The following CCDC88A variants were observed in gnomAD, a reference collection of about 807,000 sequenced individuals.
The protein encoded by CCDC88A is girdin.
A neutral mutation model predicts 234.3 loss-of-function variants in CCDC88A; 54 were observed. The observed-to-expected ratio is 0.23, with a 90% CI of 0.19 to 0.29. The LOEUF (loss-of-function observed/expected upper bound fraction) is 0.29, where lower values mean the gene tolerates loss of function less well. Among genes scored for constraint, CCDC88A ranks in the 10% least tolerant of loss-of-function variants. The probability of loss-of-function intolerance (pLI) is 1.00; values close to 1 mark genes in which losing one functional copy is unlikely to be tolerated. For missense variants in CCDC88A, 1,832 were observed against 2,123.4 expected, an observed-to-expected ratio of 0.86 and a Z score of 2.70; for synonymous variants, 753 against 737.8, an observed-to-expected ratio of 1.02 and a Z score of -0.33.
chr2:55,418,434 A>G, intron 2 of CCDC88A: 1 of 191,792 alleles, frequency 5.2e-6, no homozygotes, highest in East Asian at 1.3e-4. Context: ...TTAATAAGAA[A>G]CATTTCTGCA....
rs1444408603 is a variant in CCDC88A, at chr2:55,409,382, C to G, written c.164+9434G>C. Reference sequence around the variant, plus strand: ...CTCAAACATCATCTCCTCCAAGAAGCCTTTCCTCCATGTAAATCATCACTT... The same window carrying G: ...CTCAAACATCATCTCCTCCAAGAAGGCTTTCCTCCATGTAAATCATCACTT... On this transcript the variant is annotated intron_variant, in intron 2 of 32. Transcript: ENST00000436346. Among the ~76,000 whole-genome samples the G allele has an allele frequency of 4.6e-5, 7 of 152,202 alleles. No individual in the cohort carries two copies. In the East Asian group the frequency reaches 7.7e-4, roughly 17 times the overall value.
intron 16 of CCDC88A, chr2:55,329,323 A>G (rs1684648357): frequency 6.6e-6 from 1 of 152,228 alleles, no homozygotes; most frequent in Non-Finnish European, 1.5e-5. Context: ...GAAGACCCTG[A>G]AGACAACACT....
intron 29 of CCDC88A, 57 bp downstream of exon 29, chr2:55,299,782 C>A: frequency 1.7e-6 from 2 of 1,157,898 alleles, no homozygotes; most frequent in Admixed American, 3.8e-5. Flanking sequence ...ATCCCATCTC[C>A]CACCTTTAAA....
At chr2:55,385,083 T>C (rs192332374) in intron 3 of CCDC88A, among the ~76,000 whole-genome samples, 2 of 151,080 alleles carry the variant, frequency 1.3e-5, no homozygotes, top group Non-Finnish European at 3.0e-5. Flanking sequence ...AAAAAATGAG[T>C]TCACAATTAA....
At chr2:55,405,764 T>G (rs964472556) in intron 2 of CCDC88A, 1 of 152,212 alleles carries the variant, frequency 6.6e-6, no homozygotes, top group South Asian at 2.1e-4. Flanking sequence ...GAGAATCTAA[T>G]GGCCCCCGCC....
Position 55,322,000 on chromosome 2 carries a change from GGTAA to G in CCDC88A, c.3162+524_3162+527del, listed in dbSNP as rs546722545. 8.2e-4 allele frequency among the ~76,000 whole-genome samples: 123 copies of G among 149,270 alleles called. 1 individual carries two copies. The highest frequency in any genetic ancestry group is 2.6e-3 in the African/African-American group (101 of 39,340). On this transcript the variant is annotated intron_variant, in intron 18 of 32. Transcript: ENST00000436346. ...CCTTAAGTTTATTCATCTTTTGAAG[GGTAA>G]GTATTTGTTGTTCAGTTTGTTTGCT...
rs1369909555 is a variant in CCDC88A, at chr2:55,301,802, A to C, written c.4672+70T>G. ...GGTTGCTGCTTTTTAAAAAGTACAC[A>C]GGGAAAAGTCAAATTAAAATTCTTG... On this transcript the variant is annotated intron_variant, in intron 27 of 32. Coordinates refer to ENST00000436346, the MANE Select transcript of CCDC88A (RefSeq NM_001365480.1). 6.8e-6 allele frequency: 9 copies of C among 1,331,332 alleles called. No homozygotes were observed. The East Asian group carries it at 1.4e-4, about 20-fold the overall frequency. 82.5% of individuals were successfully genotyped at this position (1,331,332 alleles called of 1,614,324 possible).
At chr2:55,357,330 T>TC (rs748643572) in intron 7 of CCDC88A, among the ~76,000 whole-genome samples, 6 of 150,316 alleles carry the variant, frequency 4.0e-5, no homozygotes, top group Non-Finnish European at 7.4e-5. Flanking sequence ...CTTCCTTCCT[T>TC]CTTTCCTTCC....
intron 3 of CCDC88A, among the ~76,000 whole-genome samples, chr2:55,378,794 G>A (rs575863661): frequency 5.3e-5 from 8 of 150,042 alleles, no homozygotes; most frequent in African/African-American, 7.4e-5. Context: ...CACCCAGGCT[G>A]GAGTGCAGTG....
intron 2 of CCDC88A, among the ~76,000 whole-genome samples, chr2:55,389,454 G>C (rs1360855399): frequency 6.6e-6 from 1 of 152,120 alleles, no homozygotes; most frequent in Non-Finnish European, 1.5e-5. Context: ...TTTAGAATGG[G>C]AAATTGCGGC....
intron 25 of CCDC88A, chr2:55,306,243 A>G (rs1011375224): frequency 6.6e-6 from 1 of 152,074 alleles, no homozygotes; most frequent in Non-Finnish European, 1.5e-5. Flanking sequence ...GATGTCAGAT[A>G]TTTTATATCC....
chr2:55,317,873 G>A lies in CCDC88A; in HGVS notation c.3325-32C>T. The A allele has an allele frequency of 7.1e-7, 1 of 1,406,762 alleles. No homozygotes were observed. Among genetic ancestry groups the A allele is most frequent in the African/African-American group, 1.4e-5 (1 of 69,800 alleles). 87.1% of individuals were successfully genotyped at this position (1,406,762 alleles called of 1,614,324 possible). ...GAATATATATTGTTATCAGACATAA[G>A]AAAAACAGTTCATGTTCTTTTTCAA... On this transcript the variant is annotated intron_variant, in intron 19 of 32. Transcript: ENST00000436346. This position sits in a 1 kb window ranked among gnomAD's most constrained non-coding sequence, Gnocchi z 4.2.
intron 2 of CCDC88A, among the ~76,000 whole-genome samples, chr2:55,409,620 T>C (rs186388077): frequency 1.4e-4 from 21 of 152,238 alleles, no homozygotes; most frequent in Non-Finnish European, 2.9e-4. Context: ...CACTGAGTAT[T>C]ACATTTAGAT....
At chr2:55,357,755 C>T (rs1422573517) in intron 7 of CCDC88A, among the ~76,000 whole-genome samples, 3 of 152,056 alleles carry the variant, frequency 2.0e-5, no homozygotes, top group African/African-American at 7.2e-5. Context: ...ATTTCTTTAT[C>T]CTCACAATAC....
intron 4 of CCDC88A, among the ~76,000 whole-genome samples, chr2:55,374,231 T>A (rs902048378): frequency 6.6e-6 from 1 of 152,006 alleles, no homozygotes; most frequent in South Asian, 2.1e-4. Context: ...GAAATTAGCA[T>A]GGTGACCACG....
intron 2 of CCDC88A, chr2:55,394,231 A>T (rs1162732367): frequency 6.6e-6 from 1 of 152,216 alleles, no homozygotes; most frequent in Non-Finnish European, 1.5e-5. Flanking sequence ...TTCCAACTTC[A>T]TCCATGTCCC....
chr2:55,294,089 T>G (rs950233259), intron 31 of CCDC88A: 2 of 211,286 alleles, frequency 9.5e-6, no homozygotes, highest in Non-Finnish European at 1.6e-5. Flanking sequence ...AATAATAGAT[T>G]AATTATAGAA....
At chr2:55,407,798 G>A (rs1679847884) in intron 2 of CCDC88A, among the ~76,000 whole-genome samples, 3 of 147,106 alleles carry the variant, frequency 2.0e-5, no homozygotes, top group African/African-American at 2.5e-5. Flanking sequence ...GCTCACTGCA[G>A]CCTCCACCTC....
chr2:55,381,118 G>C (rs978582241), intron 3 of CCDC88A, among the ~76,000 whole-genome samples: 2 of 149,464 alleles, frequency 1.3e-5, no homozygotes, highest in Admixed American at 6.7e-5. Flanking sequence ...ATTCAGTACA[G>C]TAACATGCTA....
Sources: allele counts gnomAD v4.1 joint callset (sites outside exome capture counted in the v4.1 genomes callset), GRCh38; gene constraint gnomAD v4.1.1; non-coding constraint Gnocchi (gnomAD v3.1); transcripts MANE v1.5; gene names NCBI Gene and HGNC (gene_info 2026-07-23, HGNC 2026-07-21).